CTNNA3: variants seen among roughly 807,000 people sequenced by gnomAD.
CTNNA3 encodes catenin alpha-3.
In CTNNA3, 76 loss-of-function variants were observed where a neutral mutation model predicts 95.7. The observed-to-expected ratio is 0.79, with a 90% confidence interval of 0.66 to 0.96. The LOEUF is 0.96. CTNNA3 is among the 40% of genes least tolerant of loss of function. CTNNA3 has a pLI of 0.00. For missense variants in CTNNA3, 1,191 were observed against 1,089.8 expected (o/e 1.09, Z -1.31); for synonymous variants, 431 against 374.4 (o/e 1.15, Z -1.74).
chr10:66,132,641 A>C (rs1346740102), intron 13 of CTNNA3, among the ~76,000 whole-genome samples: 1 of 152,190 alleles, frequency 6.6e-6, no homozygotes, highest in African/African-American at 2.4e-5. Flanking sequence ...AAGACATAGA[A>C]TCAAACTAAA....
At chr10:66,305,482 C>T (rs552224541) in intron 12 of CTNNA3, among the ~76,000 whole-genome samples, 22 of 152,100 alleles carry the variant, frequency 1.4e-4, no homozygotes, top group Non-Finnish European at 3.1e-4. Flanking sequence ...TCCTGTGTTA[C>T]CTTCCTTCCA....
chr10:67,640,107 A>C (rs1839475842), intron 2 of CTNNA3, among the ~76,000 whole-genome samples: 3 of 152,306 alleles, frequency 2.0e-5, no homozygotes, highest in Admixed American at 2.0e-4. Flanking sequence ...AGAAAACCCC[A>C]TTGTCTCAGC....
At chr10:66,355,042 G>T (rs1469052073) in intron 12 of CTNNA3, among the ~76,000 whole-genome samples, 1 of 152,112 alleles carries the variant, frequency 6.6e-6, no homozygotes, top group Non-Finnish European at 1.5e-5. Flanking sequence ...AGACAGGCCA[G>T]GCAGGAATAC....
At chr10:66,575,321 T>C (rs1842974996) in intron 10 of CTNNA3, among the ~76,000 whole-genome samples, 1 of 152,028 alleles carries the variant, frequency 6.6e-6, no homozygotes, top group African/African-American at 2.4e-5. Flanking sequence ...AGGTAAGAAA[T>C]ACTAGGGCAG....
chr10:67,517,692 G>A (rs1233113375), intron 5 of CTNNA3, among the ~76,000 whole-genome samples: 2 of 152,122 alleles, frequency 1.3e-5, no homozygotes, highest in Non-Finnish European at 1.5e-5. Context: ...CAAGTCCTCA[G>A]TACTTTAACT....
chr10:66,904,315 T>C (rs187122143), intron 7 of CTNNA3, among the ~76,000 whole-genome samples: 1 of 152,196 alleles, frequency 6.6e-6, no homozygotes, highest in Non-Finnish European at 1.5e-5. Context: ...GCTAGCCATA[T>C]GTAGAAAGCT....
intron 7 of CTNNA3, among the ~76,000 whole-genome samples, chr10:67,070,372 T>A (rs962650484): frequency 5.3e-5 from 8 of 152,206 alleles, no homozygotes; most frequent in Non-Finnish European, 1.5e-5. Flanking sequence ...CTTAATGGTA[T>A]GTTTTGATGA....
intron 5 of CTNNA3, among the ~76,000 whole-genome samples, chr10:67,337,655 C>T (rs1175314023): frequency 6.6e-6 from 1 of 152,024 alleles, no homozygotes; most frequent in African/African-American, 2.4e-5. Flanking sequence ...ATAGGTCTAA[C>T]TTCATTGTGG....
At chr10:67,689,039 T>A (rs557895786) in intron 1 of CTNNA3, among the ~76,000 whole-genome samples, 1 of 152,070 alleles carries the variant, frequency 6.6e-6, no homozygotes, top group Non-Finnish European at 1.5e-5. Context: ...CCAAGAAAAA[T>A]TGGATTTAGT....
At chr10:66,719,664 C>G (rs1589165571) in intron 9 of CTNNA3, among the ~76,000 whole-genome samples, 1 of 152,220 alleles carries the variant, frequency 6.6e-6, no homozygotes, top group Non-Finnish European at 1.5e-5. Context: ...AGCAGCATGC[C>G]TACAGTGGCC....
intron 7 of CTNNA3, among the ~76,000 whole-genome samples, chr10:67,008,622 T>C (rs777785950): frequency 3.3e-5 from 5 of 152,204 alleles, no homozygotes; most frequent in African/African-American, 4.8e-5. Flanking sequence ...AGGGGATTGA[T>C]GGTCTAGGAT....
intron 1 of CTNNA3, among the ~76,000 whole-genome samples, chr10:67,681,126 A>T (rs1002210617): frequency 2.0e-5 from 3 of 152,248 alleles, no homozygotes; most frequent in Non-Finnish European, 2.9e-5. Flanking sequence ...AGAAGTGTTA[A>T]TTCTCCCTGT....
intron 10 of CTNNA3, among the ~76,000 whole-genome samples, chr10:66,618,452 A>C (rs965391166): frequency 2.0e-5 from 3 of 152,226 alleles, no homozygotes; most frequent in East Asian, 1.9e-4. Flanking sequence ...GAAAAACAAG[A>C]AATGGGGAAA....
chr10:67,161,176 CTTA>C (rs1407690556), intron 7 of CTNNA3, among the ~76,000 whole-genome samples: 1 of 151,956 alleles, frequency 6.6e-6, no homozygotes, highest in African/African-American at 2.4e-5. Context: ...TTGTAGTTCT[CTTA>C]TTGAGTGCTT....
chr10:67,364,591 C>A (rs961054113), intron 5 of CTNNA3, among the ~76,000 whole-genome samples: 1 of 152,154 alleles, frequency 6.6e-6, no homozygotes, highest in South Asian at 2.1e-4. Flanking sequence ...AGCAGACAAA[C>A]AGAGAGCCAA....
At chr10:66,286,838 G>C (rs1031217084) in intron 12 of CTNNA3, among the ~76,000 whole-genome samples, 2 of 152,018 alleles carry the variant, frequency 1.3e-5, no homozygotes, top group African/African-American at 2.4e-5. Context: ...ATGTGTCAGA[G>C]TAGAACCATT....
At chr10:67,189,492 T>C (rs189305998) in intron 6 of CTNNA3, among the ~76,000 whole-genome samples, 2 of 150,982 alleles carry the variant, frequency 1.3e-5, no homozygotes, top group African/African-American at 4.9e-5. Flanking sequence ...CACAAAAAAA[T>C]AAGTATGTGA....
At chr10:66,720,781 C>T (rs1359532229) in intron 9 of CTNNA3, among the ~76,000 whole-genome samples, 6 of 151,908 alleles carry the variant, frequency 3.9e-5, no homozygotes, top group African/African-American at 1.5e-4. Flanking sequence ...TGCAGTGAGC[C>T]GAGATCGCGC....
At chr10:67,463,969 A>G (rs930672692) in intron 5 of CTNNA3, among the ~76,000 whole-genome samples, 1 of 152,118 alleles carries the variant, frequency 6.6e-6, no homozygotes, top group Non-Finnish European at 1.5e-5. Flanking sequence ...ATGATCCTCA[A>G]TTATGCTCCT....
Sources: gnomAD v4.1 joint callset for allele counts (sites outside exome capture counted in the v4.1 genomes callset) on GRCh38, gnomAD v4.1.1 for gene constraint, MANE v1.5 for transcripts, NCBI Gene and HGNC (gene_info 2026-07-23, HGNC 2026-07-21) for gene names.